The following IKZF2 variants were observed in gnomAD, a reference collection of about 807,000 sequenced individuals.
IKZF2 encodes zinc finger protein Helios.
IKZF2 carries 15 observed loss-of-function variants against 49.2 expected under a neutral mutation model. The observed-to-expected ratio is 0.30, with a 90% CI of 0.20 to 0.47. The LOEUF is 0.47. Among genes scored for constraint, IKZF2 ranks in the 20% least tolerant of loss-of-function variants. The pLI is 1.00. For synonymous variants in IKZF2, 227 were observed against 221.4 expected, an observed-to-expected ratio of 1.03 and a Z score of -0.23; for missense variants, 567 against 664.6, an observed-to-expected ratio of 0.85 and a Z score of 1.61.
intron 4 of IKZF2, among the ~76,000 whole-genome samples, chr2:213,080,596 T>A (rs1686058488): frequency 6.6e-6 from 1 of 152,138 alleles, no homozygotes; most frequent in Admixed American, 6.6e-5. Flanking sequence ...TAAGACTAGT[T>A]CAAAATAAAT....
intron 4 of IKZF2, among the ~76,000 whole-genome samples, chr2:213,124,289 C>T (rs536988580): frequency 2.6e-3 from 385 of 146,308 alleles, no homozygotes; most frequent in African/African-American, 8.9e-3. Context: ...CACACACACA[C>T]ACACACACAG....
intron 4 of IKZF2, among the ~76,000 whole-genome samples, chr2:213,063,077 T>C (rs1479917781): frequency 6.6e-6 from 1 of 152,074 alleles, no homozygotes; most frequent in Non-Finnish European, 1.5e-5. Context: ...TGGATGAGTC[T>C]TGAAAAACAG....
intron 7 of IKZF2, chr2:213,016,982 T>G (rs993619118): frequency 6.6e-6 from 1 of 152,090 alleles, no homozygotes; most frequent in Non-Finnish European, 1.5e-5. Flanking sequence ...GGAAGGGATG[T>G]CAGGCAGGCA....
At chr2:213,068,015 A>G (rs963668695) in intron 4 of IKZF2, among the ~76,000 whole-genome samples, 1 of 152,128 alleles carries the variant, frequency 6.6e-6, no homozygotes, top group African/African-American at 2.4e-5. Flanking sequence ...TGGTTATTCA[A>G]TGAGTTATCT....
At chr2:213,149,013 C>T (rs906681402) in intron 2 of IKZF2, among the ~76,000 whole-genome samples, 6 of 152,178 alleles carry the variant, frequency 3.9e-5, no homozygotes, top group African/African-American at 1.4e-4. Context: ...AATCACACTG[C>T]AGTTTGAGGA....
rs1695112560 is a variant in IKZF2 at position 213,003,933 on chromosome 2, A to C, written c.*3427T>G. ...AATCAGCTTAATCATTGTTTGTTTC[A>C]CTTTGTTCTGTAAGTAGATAATAAG... On this transcript the variant is annotated 3_prime_UTR_variant, in exon 9 of 9. Coordinates refer to ENST00000434687, the MANE Select transcript of IKZF2 (RefSeq NM_001387220.1). 1.3e-5 allele frequency: 2 copies of C among 151,746 alleles called. No homozygotes were observed. Among genetic ancestry groups the C allele is most frequent in the Non-Finnish European group, 2.9e-5 (2 of 67,814 alleles). The allele number at this position is 151,746 out of a possible 1,614,324, so 9.4% of individuals were successfully genotyped here.
At chr2:213,136,495 T>C (rs2060682940) in intron 4 of IKZF2, among the ~76,000 whole-genome samples, 1 of 151,804 alleles carries the variant, frequency 6.6e-6, no homozygotes, top group African/African-American at 2.4e-5. Context: ...TCTGAAGATA[T>C]CATTTGTACA....
intron 6 of IKZF2, among the ~76,000 whole-genome samples, chr2:213,024,700 A>G (rs886209635): frequency 6.6e-6 from 1 of 152,074 alleles, no homozygotes. Context: ...GCTCCTTCAA[A>G]GTCTACATTC....
chr2:213,014,031 T>C, intron 7 of IKZF2, 97 bp from the exon 8 acceptor site: 1 of 1,163,636 alleles, frequency 8.6e-7, no homozygotes, highest in Non-Finnish European at 1.3e-6. Context: ...TTATAAAAGC[T>C]AGTATGCTTC....
rs1694968008 is a variant in IKZF2 at position 213,002,253 on chromosome 2, T to G, written c.*5107A>C. On this transcript the variant is annotated 3_prime_UTR_variant, in exon 9 of 9. Transcript: ENST00000434687. Reference sequence around the variant, plus strand: ...TAAAGGTTAATACACAACACATATTTTATACAGAAAATATACAAATGCAGT... The same window carrying G: ...TAAAGGTTAATACACAACACATATTGTATACAGAAAATATACAAATGCAGT... 1 of 151,470 alleles carries G rather than the reference T, an allele frequency of 6.6e-6. No homozygotes were observed. Among genetic ancestry groups the G allele is most frequent in the African/African-American group, 2.4e-5 (1 of 41,374 alleles). The allele number at this position is 151,470 out of a possible 1,614,324, so 9.4% of individuals were successfully genotyped here.
At chr2:213,053,614 A>T (rs1700877307) in intron 5 of IKZF2, among the ~76,000 whole-genome samples, 1 of 152,172 alleles carries the variant, frequency 6.6e-6, no homozygotes, top group Non-Finnish European at 1.5e-5. Context: ...ACGGTGCTGA[A>T]AACTGAGTTA....
chr2:213,107,195 A>C (rs1427698383), intron 4 of IKZF2, among the ~76,000 whole-genome samples: 1 of 152,184 alleles, frequency 6.6e-6, no homozygotes, highest in East Asian at 1.9e-4. Flanking sequence ...TCAGGCTGTT[A>C]ACACAAGACA....
At chr2:213,018,184 T>C (rs950425291) in intron 7 of IKZF2, among the ~76,000 whole-genome samples, 1 of 152,082 alleles carries the variant, frequency 6.6e-6, no homozygotes, top group African/African-American at 2.4e-5. Context: ...TAAGCAGACT[T>C]GAAAAAGCAA....
intron 4 of IKZF2, among the ~76,000 whole-genome samples, chr2:213,130,812 T>A (rs2060451316): frequency 6.6e-6 from 1 of 152,204 alleles, no homozygotes; most frequent in Non-Finnish European, 1.5e-5. Context: ...AAATTATATT[T>A]CATGAGCTTC....
intron 6 of IKZF2, among the ~76,000 whole-genome samples, chr2:213,048,289 A>G (rs1700361971): frequency 6.6e-6 from 1 of 152,162 alleles, no homozygotes; most frequent in Non-Finnish European, 1.5e-5. Context: ...GACAGATAAC[A>G]TAATATGTAC....
intron 4 of IKZF2, among the ~76,000 whole-genome samples, chr2:213,061,631 G>A (rs1286547652): frequency 6.6e-6 from 1 of 151,266 alleles, no homozygotes; most frequent in Non-Finnish European, 1.5e-5. Context: ...AAAGAACAAA[G>A]ACAGCACTGA....
chr2:213,029,788 A>C (rs1242059248), intron 6 of IKZF2, among the ~76,000 whole-genome samples: 1 of 152,140 alleles, frequency 6.6e-6, no homozygotes, highest in Non-Finnish European at 1.5e-5. Flanking sequence ...ACTACTTAAT[A>C]AAATGAAACT....
chr2:213,108,411 G>T (rs2059601643), intron 4 of IKZF2, among the ~76,000 whole-genome samples: 2 of 152,110 alleles, frequency 1.3e-5, no homozygotes, highest in African/African-American at 4.8e-5. Flanking sequence ...TGCATGAAAA[G>T]ACAGAGGGGC....
At chr2:213,040,345 C>A (rs1699509990) in intron 6 of IKZF2, among the ~76,000 whole-genome samples, 2 of 151,656 alleles carry the variant, frequency 1.3e-5, no homozygotes, top group African/African-American at 4.8e-5. Context: ...ACCCTCTACT[C>A]TCCAATAGGC....
Sources: allele counts gnomAD v4.1 joint callset (sites outside exome capture counted in the v4.1 genomes callset), GRCh38; gene constraint gnomAD v4.1.1; transcripts MANE v1.5; gene names NCBI Gene and HGNC (gene_info 2026-07-23, HGNC 2026-07-21).